The following FSTL5 variants were observed in gnomAD, a reference collection of about 807,000 sequenced individuals.
FSTL5 encodes follistatin like 5.
In FSTL5, 62 loss-of-function variants were observed where a neutral mutation model predicts 89.1. The observed-to-expected ratio is 0.70, with a 90% CI of 0.57 to 0.86. The LOEUF is 0.86. FSTL5 is among the 40% of genes least tolerant of loss of function. The pLI is 0.00. For missense variants in FSTL5, 1,057 were observed against 1,001.6 expected, an observed-to-expected ratio of 1.06 and a Z score of -0.75; for synonymous variants, 383 against 346.2, an observed-to-expected ratio of 1.11 and a Z score of -1.18.
At chr4:161,536,202 A>C (rs1731610355) in intron 10 of FSTL5, among the ~76,000 whole-genome samples, 1 of 152,140 alleles carries the variant, frequency 6.6e-6, no homozygotes, top group African/African-American at 2.4e-5. Flanking sequence ...AAATATACCC[A>C]TGTAACACAC....
chr4:161,924,833 G>A (rs1180050656), intron 3 of FSTL5, among the ~76,000 whole-genome samples: 1 of 151,806 alleles, frequency 6.6e-6, no homozygotes, highest in Admixed American at 6.6e-5. Flanking sequence ...CTATTATTAT[G>A]GAATATTAAT....
chr4:161,865,380 A>C (rs1455720754), intron 4 of FSTL5, among the ~76,000 whole-genome samples: 2 of 152,248 alleles, frequency 1.3e-5, no homozygotes, highest in Non-Finnish European at 2.9e-5. Flanking sequence ...TCAGTTGAAG[A>C]ATAATTTGAA....
intron 8 of FSTL5, among the ~76,000 whole-genome samples, chr4:161,554,392 T>C (rs1390938977): frequency 6.6e-6 from 1 of 151,604 alleles, no homozygotes; most frequent in African/African-American, 2.4e-5. Context: ...AAGATTCTAA[T>C]GTGAAAAAAA....
At chr4:161,530,484 T>A (rs1038578554) in intron 10 of FSTL5, among the ~76,000 whole-genome samples, 14 of 103,954 alleles carry the variant, frequency 1.3e-4, no homozygotes, top group African/African-American at 4.3e-4. Flanking sequence ...TTGTTTTATT[T>A]TATAATAAAG....
intron 1 of FSTL5, among the ~76,000 whole-genome samples, chr4:162,139,451 C>T (rs1196155484): frequency 1.4e-5 from 2 of 142,098 alleles, no homozygotes; most frequent in East Asian, 2.1e-4. Context: ...TATACACACA[C>T]GCCCACACAC....
intron 4 of FSTL5, among the ~76,000 whole-genome samples, chr4:161,815,894 G>A (rs928420200): frequency 5.9e-5 from 9 of 152,060 alleles, no homozygotes; most frequent in Non-Finnish European, 1.5e-5. Flanking sequence ...TTTGAATAAG[G>A]ATAAGTAAGT....
rs138127737 is a variant in FSTL5 at position 161,731,824 on chromosome 4, G to A, written c.727+27587C>T. Among the ~76,000 whole-genome samples the A allele has an allele frequency of 2.7e-3, 411 of 151,554 alleles. 15 individuals carry two copies. The South Asian group carries it at 0.07, about 26-fold the overall frequency. ...ATTAATCCATTTTGTTGTGTGCATC[G>A]GTAGTTGATTCCTTTTTATTGCCAA... is the stretch of plus-strand genomic sequence containing the variant. On this transcript the variant is annotated intron_variant, in intron 6 of 15. Coordinates refer to ENST00000306100, the MANE Select transcript of FSTL5 (RefSeq NM_020116.5).
At chr4:161,474,689 G>T (rs1349188563) in intron 13 of FSTL5, among the ~76,000 whole-genome samples, 1 of 151,950 alleles carries the variant, frequency 6.6e-6, no homozygotes, top group East Asian at 1.9e-4. Context: ...GGGACTACAG[G>T]CACCCGCCAC....
intron 2 of FSTL5, among the ~76,000 whole-genome samples, chr4:162,040,775 T>C (rs62329629): frequency 0.38 from 58,478 of 151,936 alleles, 11,505 homozygotes; most frequent in Middle Eastern, 0.54. Context: ...AACAAGGCCT[T>C]CGCTGAACAT....
At chr4:161,926,148 T>C (rs1044915839) in intron 3 of FSTL5, among the ~76,000 whole-genome samples, 2 of 151,868 alleles carry the variant, frequency 1.3e-5, no homozygotes, top group South Asian at 2.1e-4. Context: ...CCACAGAAGA[T>C]TGAGCACAGT....
chr4:161,518,667 C>T (rs901076729), intron 10 of FSTL5, among the ~76,000 whole-genome samples: 2 of 152,066 alleles, frequency 1.3e-5, no homozygotes, highest in African/African-American at 2.4e-5. Context: ...AGAATTGTTG[C>T]TAAGTCAAAA....
At chr4:162,071,086 C>T (rs921890696) in intron 2 of FSTL5, among the ~76,000 whole-genome samples, 3 of 151,630 alleles carry the variant, frequency 2.0e-5, no homozygotes, top group Non-Finnish European at 4.4e-5. Flanking sequence ...CTGTATGAAA[C>T]AACCAGAAAA....
At chr4:161,548,760 G>A (rs757702651) in intron 8 of FSTL5, among the ~76,000 whole-genome samples, 1 of 151,692 alleles carries the variant, frequency 6.6e-6, no homozygotes, top group Middle Eastern at 3.2e-3. Context: ...AATGTACTAA[G>A]CTTTGTGGGA....
At chr4:161,807,578 T>A (rs999346158) in intron 4 of FSTL5, among the ~76,000 whole-genome samples, 3 of 152,106 alleles carry the variant, frequency 2.0e-5, no homozygotes, top group East Asian at 1.9e-4. Context: ...GGGTCATAGG[T>A]CTCTGCAGCA....
chr4:161,757,207 A>C (rs1182002983), intron 6 of FSTL5, among the ~76,000 whole-genome samples: 1 of 152,128 alleles, frequency 6.6e-6, no homozygotes, highest in Admixed American at 6.5e-5. Flanking sequence ...ACTTGTCCTT[A>C]AGATTAATTT....
intron 7 of FSTL5, among the ~76,000 whole-genome samples, chr4:161,619,398 C>G (rs1023628083): frequency 6.6e-6 from 1 of 152,126 alleles, no homozygotes; most frequent in African/African-American, 2.4e-5. Context: ...TCAGAGTGAA[C>G]AGGCAACCTA....
chr4:161,857,622 T>C (rs1731761533), intron 4 of FSTL5, among the ~76,000 whole-genome samples: 3 of 152,288 alleles, frequency 2.0e-5, no homozygotes, highest in South Asian at 2.1e-4. Context: ...AATTTATCTC[T>C]ATTTTAATTA....
intron 11 of FSTL5, among the ~76,000 whole-genome samples, chr4:161,506,087 G>A (rs1013321189): frequency 2.0e-5 from 3 of 151,880 alleles, no homozygotes; most frequent in African/African-American, 7.2e-5. Flanking sequence ...GCAGGATATT[G>A]CTCTGTCCCT....
At chr4:161,430,374 C>T (rs2126337949) in intron 15 of FSTL5, among the ~76,000 whole-genome samples, 1 of 152,116 alleles carries the variant, frequency 6.6e-6, no homozygotes, top group Non-Finnish European at 1.5e-5. Flanking sequence ...AAGAGGTATC[C>T]ATATTCAAGT....
Sources: allele counts gnomAD v4.1 joint callset (sites outside exome capture counted in the v4.1 genomes callset), GRCh38; gene constraint gnomAD v4.1.1; transcripts MANE v1.5; gene names NCBI Gene and HGNC (gene_info 2026-07-23, HGNC 2026-07-21).